Variants in DLG2 observed in about 807,000 individuals in gnomAD.
The protein encoded by DLG2 is disks large homolog 2.
A neutral mutation model predicts 132.5 loss-of-function variants in DLG2; 45 were observed. The observed-to-expected ratio is 0.34, with a 90% CI of 0.27 to 0.44. DLG2 has a LOEUF of 0.44. DLG2 is among the 20% of genes least tolerant of loss of function. The pLI is 1.00. For missense variants in DLG2, 1,045 were observed against 1,196.9 expected (o/e 0.87, Z 1.87); for synonymous variants, 424 against 419.6 (o/e 1.01, Z -0.13).
intron 3 of DLG2, among the ~76,000 whole-genome samples, chr11:85,585,745 A>G (rs1339649202): frequency 2.7e-5 from 4 of 148,536 alleles, no homozygotes; most frequent in African/African-American, 1.0e-4. Flanking sequence ...ATGGAGTCTC[A>G]CTCTGTCACC....
chr11:84,768,903 T>A (rs1025976249), intron 6 of DLG2, among the ~76,000 whole-genome samples: 3 of 152,080 alleles, frequency 2.0e-5, no homozygotes, highest in African/African-American at 7.2e-5. Flanking sequence ...TAAAGCTGGT[T>A]CTATCATTTA....
rs564139446 is a variant in DLG2, at chr11:85,446,200, G to A, written c.40+152457C>T. On this transcript the variant is annotated intron_variant, in intron 3 of 27. Transcript: ENST00000376104. ...ACAAAGTATTTGAGAACATTTAAAG[G>A]TCTTTTAACTTCATTAGGGATTTTA... 1.1e-4 allele frequency among the ~76,000 whole-genome samples: 17 copies of A among 152,258 alleles called. No homozygotes were observed. The South Asian group carries it at 3.5e-3, about 32-fold the overall frequency.
At chr11:84,446,505 G>C (rs1166756048) in intron 7 of DLG2, among the ~76,000 whole-genome samples, 1 of 151,696 alleles carries the variant, frequency 6.6e-6, no homozygotes, top group Non-Finnish European at 1.5e-5. Context: ...GAATAATTTT[G>C]CACATCCCTC....
chr11:83,747,322 TCCTTCCTG>T (rs1317492741), intron 18 of DLG2, among the ~76,000 whole-genome samples: 1,443 of 109,188 alleles, frequency 0.013, 14 homozygotes, highest in African/African-American at 0.024. Flanking sequence ...CTTCCTTCCT[TCCTTCCTG>T]CCTTCCTTCC....
At chr11:84,866,299 C>T (rs1566199986) in intron 6 of DLG2, among the ~76,000 whole-genome samples, 1 of 152,122 alleles carries the variant, frequency 6.6e-6, no homozygotes, top group Non-Finnish European at 1.5e-5. Flanking sequence ...ACAACAACAA[C>T]AACAACCACA....
chr11:85,375,814 C>T (rs1214243354), intron 3 of DLG2, among the ~76,000 whole-genome samples: 2 of 152,146 alleles, frequency 1.3e-5, no homozygotes, highest in African/African-American at 2.4e-5. Context: ...TTGATTTAGA[C>T]AGCAGTTATG....
At chr11:85,168,040 C>T (rs1160097405) in intron 4 of DLG2, among the ~76,000 whole-genome samples, 2 of 152,092 alleles carry the variant, frequency 1.3e-5, no homozygotes, top group African/African-American at 2.4e-5. Flanking sequence ...AAACTAGGCA[C>T]AACCTAGGAG....
At chr11:83,524,598 T>C (rs2095559713) in intron 21 of DLG2, among the ~76,000 whole-genome samples, 1 of 152,178 alleles carries the variant, frequency 6.6e-6, no homozygotes, top group Admixed American at 6.6e-5. Flanking sequence ...ATCTGCTAAA[T>C]TCTAATCTAA....
intron 3 of DLG2, among the ~76,000 whole-genome samples, chr11:85,464,789 T>C (rs551287898): frequency 1.2e-4 from 18 of 151,666 alleles, no homozygotes; most frequent in African/African-American, 2.4e-4. Flanking sequence ...AGAAGCATGA[T>C]TGAGGCCAGG....
intron 7 of DLG2, among the ~76,000 whole-genome samples, chr11:84,385,614 C>A (rs979126909): frequency 3.3e-5 from 5 of 152,066 alleles, no homozygotes; most frequent in Non-Finnish European, 5.9e-5. Flanking sequence ...TCTAGAGAAC[C>A]AGGACCCTGT....
intron 8 of DLG2, among the ~76,000 whole-genome samples, chr11:84,205,556 A>T (rs201981829): frequency 6.1e-4 from 3 of 4,882 alleles, no homozygotes; most frequent in South Asian, 8.6e-3. Flanking sequence ...GAATTAAATT[A>T]AAAAAAAAAA....
chr11:85,377,766 G>A (rs1294402392), intron 3 of DLG2, among the ~76,000 whole-genome samples: 6 of 136,924 alleles, frequency 4.4e-5, no homozygotes, highest in Non-Finnish European at 9.5e-5. Context: ...CTTGCTAAGT[G>A]CAATTTGTGT....
intron 6 of DLG2, among the ~76,000 whole-genome samples, chr11:84,535,612 G>A (rs567150462): frequency 6.6e-5 from 10 of 152,216 alleles, no homozygotes; most frequent in African/African-American, 2.4e-4. Context: ...TCTTCTTGGG[G>A]TCTATCTCCA....
intron 11 of DLG2, among the ~76,000 whole-genome samples, chr11:84,007,057 C>G (rs1053831549): frequency 6.6e-6 from 1 of 151,686 alleles, no homozygotes; most frequent in African/African-American, 2.4e-5. Context: ...CTACCTCACT[C>G]GATCACCCTT....
At chr11:84,337,798 C>T (rs1430268857) in intron 7 of DLG2, among the ~76,000 whole-genome samples, 1 of 152,130 alleles carries the variant, frequency 6.6e-6, no homozygotes, top group Non-Finnish European at 1.5e-5. Context: ...GAATCCACAA[C>T]AGAAGTAAGA....
intron 6 of DLG2, among the ~76,000 whole-genome samples, chr11:85,005,483 G>A (rs2058571533): frequency 6.6e-6 from 1 of 152,058 alleles, no homozygotes; most frequent in African/African-American, 2.4e-5. Flanking sequence ...AATTCTCTTT[G>A]TAGCAATTCT....
intron 4 of DLG2, among the ~76,000 whole-genome samples, chr11:85,173,380 A>C (rs1416352355): frequency 1.3e-4 from 20 of 152,210 alleles, no homozygotes; most frequent in Non-Finnish European, 4.4e-5. Context: ...ACTAAACTCC[A>C]TAAGTGAAGG....
intron 6 of DLG2, among the ~76,000 whole-genome samples, chr11:84,554,616 C>T (rs2099408291): frequency 6.6e-6 from 1 of 151,998 alleles, no homozygotes; most frequent in East Asian, 1.9e-4. Context: ...CATGGTGGCG[C>T]ATGCCTGTAA....
chr11:84,459,408 T>C (rs2099074182), intron 7 of DLG2, among the ~76,000 whole-genome samples: 1 of 150,806 alleles, frequency 6.6e-6, no homozygotes, highest in Admixed American at 6.6e-5. Flanking sequence ...CAAGTAAACA[T>C]TATAATCCTT....
Sources: allele counts gnomAD v4.1 joint callset (sites outside exome capture counted in the v4.1 genomes callset), GRCh38; gene constraint gnomAD v4.1.1; transcripts MANE v1.5; gene names NCBI Gene and HGNC (gene_info 2026-07-23, HGNC 2026-07-21).